The following GDPD5 variants were observed in gnomAD, a reference collection of about 807,000 sequenced individuals.
GDPD5 encodes the protein glycerophosphodiester phosphodiesterase 2.
GDPD5 carries 48 observed loss-of-function variants against 75.1 expected under a neutral mutation model. The ratio of observed to expected loss-of-function variants is 0.64; its 90% CI spans 0.51 to 0.81. GDPD5 has a LOEUF of 0.81. Ranked by LOEUF, GDPD5 falls within the 40% of genes least tolerant of loss-of-function variation. The probability of loss-of-function intolerance (pLI) is 0.00; values close to 1 mark genes in which losing one functional copy is unlikely to be tolerated. For synonymous variants in GDPD5, 336 were observed against 339.0 expected (o/e 0.99, Z 0.10); for missense variants, 706 against 822.6 (o/e 0.86, Z 1.73).
rs1481205627 is a variant in GDPD5 at position 75,443,118 on chromosome 11, G to C, written c.948+18C>G. 1 of 1,591,914 alleles carries C rather than the reference G, an allele frequency of 6.3e-7. No individual in the cohort carries two copies. ...TGGTGTTTTCCATGCCTAAGATTGG[G>C]ATCAGGTGCAGCCAGACCTTCAGGA... On this transcript the variant is annotated intron_variant, in intron 11 of 16. Transcript: ENST00000336898.
intron 6 of GDPD5, among the ~76,000 whole-genome samples, chr11:75,455,934 G>A (rs1375918535): frequency 6.6e-6 from 1 of 152,234 alleles, no homozygotes; most frequent in African/African-American, 2.4e-5. Flanking sequence ...GTTAACTCTG[G>A]CCTGCAAAGA....
At chr11:75,495,177 G>C (rs920455919) in intron 1 of GDPD5, among the ~76,000 whole-genome samples, 1 of 152,012 alleles carries the variant, frequency 6.6e-6, no homozygotes, top group African/African-American at 2.4e-5. Context: ...TGAGCCAGGA[G>C]AGTCGCTTGA....
chr11:75,513,154 G>C (rs1250648355), intron 1 of GDPD5, among the ~76,000 whole-genome samples: 1 of 152,154 alleles, frequency 6.6e-6, no homozygotes, highest in Non-Finnish European at 1.5e-5. Flanking sequence ...CAAGAAGTCT[G>C]GAGGACCAAT....
At chr11:75,468,323 G>A (rs1057390597) in intron 3 of GDPD5, among the ~76,000 whole-genome samples, 5 of 152,160 alleles carry the variant, frequency 3.3e-5, no homozygotes, top group South Asian at 2.1e-4. Context: ...GGCAGCGAGC[G>A]TGTCTGCAGC....
At chr11:75,500,112 C>A (rs913323979) in intron 1 of GDPD5, among the ~76,000 whole-genome samples, 2 of 152,310 alleles carry the variant, frequency 1.3e-5, no homozygotes, top group Admixed American at 1.3e-4. Context: ...CCCCTCCAGG[C>A]ACCCTCCCTG....
chr11:75,461,697 G>A lies in GDPD5; in HGVS notation c.221+1089C>T, dbSNP rs567430369. On this transcript the variant is annotated intron_variant, in intron 4 of 16. Coordinates refer to ENST00000336898, the MANE Select transcript of GDPD5 (RefSeq NM_030792.8). ...TCCTCAGAAAGACCTGATGAGGTCA[G>A]AGTTACCCCATTTTACAGAAGGAGA... is the stretch of plus-strand genomic sequence containing the variant. Among the ~76,000 whole-genome samples, 3 of 152,276 alleles carry A rather than the reference G, an allele frequency of 2.0e-5. No individual in the cohort carries two copies. The East Asian group carries it at 5.8e-4, about 30-fold the overall frequency.
intron 1 of GDPD5, among the ~76,000 whole-genome samples, chr11:75,524,346 A>G (rs1311135304): frequency 1.3e-5 from 2 of 152,234 alleles, no homozygotes; most frequent in African/African-American, 4.8e-5. Flanking sequence ...GCGATAGGGA[A>G]AGCCCCAGCC....
intron 6 of GDPD5, chr11:75,450,680 G>A (rs1021753216): frequency 2.0e-5 from 3 of 152,398 alleles, no homozygotes; most frequent in Non-Finnish European, 2.9e-5. Flanking sequence ...ACGGGACAGA[G>A]ATCTCTGGTG....
intron 2 of GDPD5, among the ~76,000 whole-genome samples, chr11:75,484,448 C>T (rs781599896): frequency 6.6e-6 from 1 of 152,208 alleles, no homozygotes; most frequent in Admixed American, 6.5e-5. Flanking sequence ...CTGGAAACAA[C>T]TCTAGTTCCT....
chr11:75,485,605 A>C (rs1950007167), intron 2 of GDPD5: 1 of 152,108 alleles, frequency 6.6e-6, no homozygotes, highest in South Asian at 2.1e-4. Context: ...CAAACAGCTA[A>C]TCATGGAGGA....
chr11:75,477,796 C>A lies in GDPD5; in HGVS notation c.-60-1G>T. 8.2e-7 allele frequency: 1 copy of A among 1,220,162 alleles called. No homozygotes were observed. The highest frequency in any genetic ancestry group is 1.1e-6 in the Non-Finnish European group (1 of 872,600). The allele number at this position is 1,220,162 out of a possible 1,614,324, so 75.6% of individuals were successfully genotyped here. On this transcript the variant is annotated splice_acceptor_variant, in intron 2 of 16. Transcript: ENST00000336898. LOFTEE classifies it low-confidence loss of function (5UTR_SPLICE). ...CGCCCATGGAGGCCCCCAGCTTGTC[C>A]TGCAGGAGGAAGCACAGGGCAGTGA...
chr11:75,484,889 C>T (rs547513433), intron 2 of GDPD5, among the ~76,000 whole-genome samples: 1 of 152,282 alleles, frequency 6.6e-6, no homozygotes, highest in South Asian at 2.1e-4. Flanking sequence ...TAGGCGTCCC[C>T]TCCCCTTGAC....
intron 11 of GDPD5, 111 bp from the exon 12 acceptor site, chr11:75,442,692 G>A (rs1948857128): frequency 9.6e-6 from 9 of 933,802 alleles, no homozygotes; most frequent in African/African-American, 1.7e-5. Flanking sequence ...AGTCTGCTGG[G>A]GTCAGGCAGA....
intron 1 of GDPD5, among the ~76,000 whole-genome samples, chr11:75,493,588 A>G (rs1334553667): frequency 6.6e-6 from 1 of 152,032 alleles, no homozygotes; most frequent in Non-Finnish European, 1.5e-5. Context: ...AACTTGAAGA[A>G]CAAAAGGTGA....
At chr11:75,443,761 C>T (rs578840) in intron 10 of GDPD5, among the ~76,000 whole-genome samples, 80,407 of 152,028 alleles carry the variant, frequency 0.53, 22,277 homozygotes, top group Middle Eastern at 0.66. Context: ...TCTACTCTAC[C>T]AGGGTTGCAA....
chr11:75,447,917 C>T (rs1949029911), intron 9 of GDPD5, among the ~76,000 whole-genome samples: 1 of 152,212 alleles, frequency 6.6e-6, no homozygotes, highest in Non-Finnish European at 1.5e-5. Context: ...ATCCAGATCC[C>T]CACTGGCTGC....
chr11:75,514,740 GA>G (rs1950601391), intron 1 of GDPD5, among the ~76,000 whole-genome samples: 2 of 152,264 alleles, frequency 1.3e-5, no homozygotes. Context: ...GCAAGAGGAA[GA>G]AGGCTCCAAT....
intron 10 of GDPD5, among the ~76,000 whole-genome samples, chr11:75,443,543 C>T (rs1162834867): frequency 6.6e-6 from 1 of 152,154 alleles, no homozygotes; most frequent in Non-Finnish European, 1.5e-5. Context: ...TGGGAAAAAT[C>T]TGGACCTACT....
chr11:75,464,626 C>T (rs1041735266), intron 3 of GDPD5, among the ~76,000 whole-genome samples: 2 of 152,156 alleles, frequency 1.3e-5, no homozygotes, highest in African/African-American at 2.4e-5. Flanking sequence ...AGCCTCACTT[C>T]GTACATAAAC....
Sources: gnomAD v4.1 joint callset for allele counts (sites outside exome capture counted in the v4.1 genomes callset) on GRCh38, gnomAD v4.1.1 for gene constraint, MANE v1.5 for transcripts, NCBI Gene and HGNC (gene_info 2026-07-23, HGNC 2026-07-21) for gene names.